VRK1: variants seen among roughly 807,000 people sequenced by gnomAD.
VRK1 encodes the protein serine/threonine-protein kinase VRK1.
VRK1 carries 33 observed loss-of-function variants against 57.1 expected under a neutral mutation model. The ratio of observed to expected loss-of-function variants is 0.58; its 90% CI spans 0.44 to 0.77. The LOEUF (loss-of-function observed/expected upper bound fraction) is 0.77. Ranked by LOEUF, VRK1 falls within the 30% of genes least tolerant of loss-of-function variation. The probability of loss-of-function intolerance (pLI) is 0.00; values close to 1 mark genes in which losing one functional copy is unlikely to be tolerated. For synonymous variants in VRK1, 137 were observed against 147.8 expected (o/e 0.93, Z 0.53); for missense variants, 413 against 477.3 (o/e 0.87, Z 1.25).
intron 1 of VRK1, among the ~76,000 whole-genome samples, chr14:96,808,777 C>T (rs1886027821): frequency 6.6e-6 from 1 of 152,022 alleles, no homozygotes. Context: ...TTATCTATCC[C>T]TGCATAACAC....
At chr14:96,808,014 C>CCTCTCTCCCTCTCTCCCTCTCT (rs1566683580) in intron 1 of VRK1, among the ~76,000 whole-genome samples, 1,070 of 72,892 alleles carry the variant, frequency 0.015, 20 homozygotes, top group African/African-American at 0.065. Flanking sequence ...TCTCTCTCTC[C>CCTCTCTCCCTCTCTCCCTCTCT]CTCTGTGTGT....
intron 1 of VRK1, among the ~76,000 whole-genome samples, chr14:96,817,380 CTG>C (rs1467622135): frequency 6.6e-6 from 1 of 151,212 alleles, no homozygotes; most frequent in Admixed American, 6.6e-5. Flanking sequence ...TTTTTTTAAT[CTG>C]TGGAGAATTT....
intron 12 of VRK1, among the ~76,000 whole-genome samples, chr14:96,879,926 C>CAA (rs545516768): frequency 5.7e-5 from 8 of 139,882 alleles, no homozygotes; most frequent in South Asian, 4.5e-4. Flanking sequence ...GACTCCCTCT[C>CAA]AAAAAAAAAA....
At chr14:96,856,843 C>T (rs1276347237) in intron 10 of VRK1, among the ~76,000 whole-genome samples, 1 of 152,108 alleles carries the variant, frequency 6.6e-6, no homozygotes, top group Non-Finnish European at 1.5e-5. Context: ...TGACGCACGC[C>T]TGTGGTCCCA....
intron 5 of VRK1, 23 bp from the exon 6 acceptor site, chr14:96,852,808 T>A: frequency 6.3e-7 from 1 of 1,598,124 alleles, no homozygotes; most frequent in East Asian, 2.2e-5. Flanking sequence ...TTTTGTTCAT[T>A]GGCTTTTCAT....
intron 2 of VRK1, 87 bp from the exon 3 acceptor site, chr14:96,837,675 T>C: frequency 1.3e-6 from 1 of 767,330 alleles, no homozygotes; most frequent in Non-Finnish European, 1.9e-6. Flanking sequence ...GTGTATTCTA[T>C]CAAGGGTTAC....
intron 12 of VRK1, 126 bp from the exon 13 acceptor site, chr14:96,881,051 G>A: frequency 1.2e-6 from 1 of 842,746 alleles, no homozygotes; most frequent in Non-Finnish European, 1.8e-6. Flanking sequence ...TTTTATCTTT[G>A]CAAATCACGA....
intron 11 of VRK1, among the ~76,000 whole-genome samples, chr14:96,864,253 G>A (rs891385426): frequency 2.7e-5 from 4 of 150,924 alleles, no homozygotes; most frequent in African/African-American, 7.3e-5. Flanking sequence ...AAGTTGTTAC[G>A]TATGTATAGA....
rs28415410 is a variant in VRK1 at position 96,830,210 on chromosome 14, A to G, written c.-5-3257A>G. ...CATTCTGGGTTGATTTTTCAAATGTATGTGATATGACCTTTCAAAATGTAG... is the reference window on the plus strand; with the variant it reads ...CATTCTGGGTTGATTTTTCAAATGTGTGTGATATGACCTTTCAAAATGTAG... On this transcript the variant is annotated intron_variant, in intron 1 of 12. Transcript: ENST00000216639. Among the ~76,000 whole-genome samples, 377 of 152,278 alleles carry G rather than the reference A, an allele frequency of 2.5e-3. 2 individuals carry two copies. Among genetic ancestry groups the G allele is most frequent in the African/African-American group, 8.4e-3 (350 of 41,586 alleles).
intron 1 of VRK1, among the ~76,000 whole-genome samples, chr14:96,811,938 A>G (rs1469743368): frequency 6.6e-6 from 1 of 152,152 alleles, no homozygotes; most frequent in Non-Finnish European, 1.5e-5. Flanking sequence ...CCCCCTACTC[A>G]TTAACAGTCA....
At chr14:96,849,469 G>C (rs1451795474) in intron 5 of VRK1, among the ~76,000 whole-genome samples, 1 of 151,308 alleles carries the variant, frequency 6.6e-6, no homozygotes, top group Non-Finnish European at 1.5e-5. Flanking sequence ...AACCAAGCAC[G>C]GTATATTGCA....
intron 11 of VRK1, among the ~76,000 whole-genome samples, chr14:96,865,481 A>G (rs908944708): frequency 6.6e-6 from 1 of 152,138 alleles, no homozygotes; most frequent in African/African-American, 2.4e-5. Flanking sequence ...TTATTTCTTT[A>G]GCATTGTCTT....
intron 11 of VRK1, among the ~76,000 whole-genome samples, chr14:96,869,714 G>T (rs974789573): frequency 1.1e-4 from 17 of 151,970 alleles, no homozygotes; most frequent in Non-Finnish European, 1.5e-5. Context: ...TAATTGATAC[G>T]AGAAGATAAT....
At chr14:96,819,283 A>G (rs1212932109) in intron 1 of VRK1, among the ~76,000 whole-genome samples, 1 of 152,246 alleles carries the variant, frequency 6.6e-6, no homozygotes, top group Non-Finnish European at 1.5e-5. Flanking sequence ...TTTTTACCCA[A>G]CTTCTAAAAT....
At position 96,881,474 on chromosome 14, in the gene VRK1, T is replaced by C. The variant is rs1331112282; in HGVS notation, c.*266T>C. The C allele has an allele frequency of 5.8e-6, 2 of 346,766 alleles. No individual in the cohort carries two copies. Among genetic ancestry groups the C allele is most frequent in the Admixed American group, 4.3e-5 (1 of 23,080 alleles). The allele number at this position is 346,766 out of a possible 1,614,324, so 21.5% of individuals were successfully genotyped here. On this transcript the variant is annotated 3_prime_UTR_variant, in exon 13 of 13. Coordinates refer to ENST00000216639, the MANE Select transcript of VRK1 (RefSeq NM_003384.3). The stretch of plus-strand genomic sequence containing the variant: ...TTTGTGATGTTTTGGAGTACATATA[T>C]ATGAAAATTATTATGACACGCACTT...
chr14:96,851,876 A>G (rs76277337), intron 5 of VRK1, among the ~76,000 whole-genome samples: 1,594 of 152,350 alleles, frequency 0.01, 22 homozygotes, highest in African/African-American at 0.031. Context: ...CTGTGTGCAT[A>G]CCAGGTGTTC....
intron 1 of VRK1, among the ~76,000 whole-genome samples, chr14:96,823,016 C>T (rs1726358906): frequency 1.3e-5 from 2 of 152,186 alleles, no homozygotes; most frequent in African/African-American, 4.8e-5. Context: ...CAGATACTCA[C>T]ATGGTCCTCT....
chr14:96,866,039 G>A (rs1037454203), intron 11 of VRK1, among the ~76,000 whole-genome samples: 2 of 151,940 alleles, frequency 1.3e-5, no homozygotes, highest in African/African-American at 2.4e-5. Context: ...TTTCAGAGGT[G>A]GAGTCTTCAG....
At chr14:96,842,783 A>G (rs1887517439) in intron 3 of VRK1, among the ~76,000 whole-genome samples, 1 of 152,186 alleles carries the variant, frequency 6.6e-6, no homozygotes, top group Non-Finnish European at 1.5e-5. Context: ...TTGTGCATCA[A>G]GATTGAGAGC....
Sources: allele counts gnomAD v4.1 joint callset (sites outside exome capture counted in the v4.1 genomes callset), GRCh38; gene constraint gnomAD v4.1.1; transcripts MANE v1.5; gene names NCBI Gene and HGNC (gene_info 2026-07-23, HGNC 2026-07-21).